COLGALT2: variants seen among roughly 807,000 people sequenced by gnomAD.
COLGALT2 encodes the protein collagen beta(1-O)galactosyltransferase 2, also known as procollagen galactosyltransferase 2.
A neutral mutation model predicts 73.4 loss-of-function variants in COLGALT2; 49 were observed. The observed-to-expected ratio is 0.67, with a 90% confidence interval of 0.53 to 0.85. The LOEUF is 0.85. Ranked by LOEUF, COLGALT2 falls within the 40% of genes least tolerant of loss-of-function variation. The probability of loss-of-function intolerance (pLI) is 0.00; values close to 1 mark genes in which losing one functional copy is unlikely to be tolerated. For missense variants in COLGALT2, 722 were observed against 790.2 expected, an observed-to-expected ratio of 0.91 and a Z score of 1.03; for synonymous variants, 295 against 307.6, an observed-to-expected ratio of 0.96 and a Z score of 0.43.
intron 1 of COLGALT2, among the ~76,000 whole-genome samples, chr1:183,996,810 C>T (rs1467539461): frequency 6.6e-6 from 1 of 152,200 alleles, no homozygotes; most frequent in Non-Finnish European, 1.5e-5. Flanking sequence ...AAAGTAAATA[C>T]TACATGGGTT....
chr1:183,966,876 T>G lies in COLGALT2; in HGVS notation c.832+2393A>C, dbSNP rs182804263. 1.6e-3 allele frequency among the ~76,000 whole-genome samples: 242 copies of G among 152,292 alleles called. 1 individual carries two copies. Among genetic ancestry groups the G allele is most frequent in the African/African-American group, 4.2e-3 (173 of 41,558 alleles). ...CCAGCACACTTGGATTGCTCCTCAC[T>G]CATCACCCACATGGGGCAATGGCTA... On this transcript the variant is annotated intron_variant, in intron 5 of 11. Transcript: ENST00000361927.
intron 1 of COLGALT2, among the ~76,000 whole-genome samples, chr1:184,013,870 C>T (rs1266451802): frequency 1.3e-5 from 2 of 151,994 alleles, no homozygotes; most frequent in Admixed American, 6.6e-5. Flanking sequence ...TAAGTAGGAA[C>T]AACTGACAAA....
rs1023090505 is a variant in COLGALT2 at position 183,938,357 on chromosome 1, T to G, written c.*404A>C. ...AACGGACAAACTAGACCAATAAGTG[T>G]GGTCTAGTTGGCCTGGCTGCCTTGA... On this transcript the variant is annotated 3_prime_UTR_variant, in exon 12 of 12. Coordinates refer to ENST00000361927, the MANE Select transcript of COLGALT2 (RefSeq NM_015101.4). 1 of 1,023,702 alleles carries G rather than the reference T, an allele frequency of 9.8e-7. No individual in the cohort carries two copies. Among genetic ancestry groups the G allele is most frequent in the Non-Finnish European group, 1.2e-6 (1 of 852,358 alleles). 63.4% of individuals were successfully genotyped at this position (1,023,702 alleles called of 1,614,324 possible).
At chr1:184,037,005 C>G in intron 1 of COLGALT2, 90 bp downstream of exon 1, 2 of 1,130,344 alleles carry the variant, frequency 1.8e-6, no homozygotes, top group Non-Finnish European at 1.1e-6. Context: ...GCGGCTCCCT[C>G]GCCCTGCAGC....
chr1:183,960,395 T>C (rs563298916), intron 6 of COLGALT2, among the ~76,000 whole-genome samples: 1 of 152,338 alleles, frequency 6.6e-6, no homozygotes, highest in South Asian at 2.1e-4. Flanking sequence ...GATTAGGACT[T>C]GAGGCTCTCC....
chr1:183,984,309 G>T (rs1347617501), intron 1 of COLGALT2, among the ~76,000 whole-genome samples: 1 of 152,242 alleles, frequency 6.6e-6, no homozygotes, highest in African/African-American at 2.4e-5. Context: ...GGAAGCTGAG[G>T]CAGGAAAATT....
At chr1:184,025,335 A>G (rs1444153831) in intron 1 of COLGALT2, among the ~76,000 whole-genome samples, 2 of 152,240 alleles carry the variant, frequency 1.3e-5, no homozygotes, top group Non-Finnish European at 2.9e-5. Flanking sequence ...ATCTGGAAAC[A>G]AAAGAAGCTA....
chr1:183,944,686 G>A (rs773284228), intron 9 of COLGALT2, among the ~76,000 whole-genome samples: 2 of 152,096 alleles, frequency 1.3e-5, no homozygotes, highest in Non-Finnish European at 2.9e-5. Context: ...GCAGTACGGG[G>A]TGGGGGGGTG....
rs1401340209 is a variant in COLGALT2, at chr1:183,963,949, G to A, written c.904C>T (p.Leu302=). The change falls in exon 6 of 12, where the codon CTG becomes TTG. Residue 302 remains leucine, a synonymous_variant. Transcript: ENST00000361927. Reference sequence around the variant, plus strand: ...ATGAGGTTCTCGATGTCTTCCTGCAGTGTCTGATGGGGCTTCAGGGGGATG... The same window carrying A: ...ATGAGGTTCTCGATGTCTTCCTGCAATGTCTGATGGGGCTTCAGGGGGATG... ...LPIPLKPHQT[L]QEDIENLIHV... 2 of 1,613,068 alleles carry A rather than the reference G, an allele frequency of 1.2e-6. No individual in the cohort carries two copies. Among genetic ancestry groups the A allele is most frequent in the Non-Finnish European group, 1.7e-6 (2 of 1,179,548 alleles).
At chr1:183,966,382 C>T (rs1408002919) in intron 5 of COLGALT2, among the ~76,000 whole-genome samples, 1 of 152,216 alleles carries the variant, frequency 6.6e-6, no homozygotes, top group East Asian at 1.9e-4. Context: ...CATATAGTAC[C>T]TTAACATTGC....
At chr1:183,929,937 C>G (rs2102779019) in exon 12 of COLGALT2, 1 of 260,328 alleles carries the variant, frequency 3.8e-6, no homozygotes, top group East Asian at 1.0e-4. Flanking sequence ...TAGCTTTTCT[C>G]TAACAGCAGC....
chr1:183,970,726 A>G (rs1364224232), intron 4 of COLGALT2, among the ~76,000 whole-genome samples: 1 of 152,214 alleles, frequency 6.6e-6, no homozygotes, highest in African/African-American at 2.4e-5. Flanking sequence ...TGCTCTGTCA[A>G]TCTCATAGAG....
At position 183,937,503 on chromosome 1, in the gene COLGALT2, TG is replaced by T; in HGVS notation, c.*1257del. ...CCGCCTGGGATTCTAAGAGCTTCCCTGGTTGCTGGCCTAAATCAGGTGACCA... is the reference window on the plus strand; with the variant it reads ...CCGCCTGGGATTCTAAGAGCTTCCCTGTTGCTGGCCTAAATCAGGTGACCA... On this transcript the variant is annotated 3_prime_UTR_variant, in exon 12 of 12. Coordinates refer to ENST00000361927, the MANE Select transcript of COLGALT2 (RefSeq NM_015101.4). The T allele has an allele frequency of 1.0e-6, 1 of 985,484 alleles. No homozygotes were observed. Among genetic ancestry groups the T allele is most frequent in the Non-Finnish European group, 1.2e-6 (1 of 829,974 alleles). 61.0% of individuals were successfully genotyped at this position (985,484 alleles called of 1,614,324 possible). A position where few individuals can be genotyped will look rare whatever the true frequency, so the allele number is the denominator to read the frequency against.
chr1:183,960,611 A>G (rs1670673212), intron 6 of COLGALT2, among the ~76,000 whole-genome samples: 1 of 152,256 alleles, frequency 6.6e-6, no homozygotes, highest in African/African-American at 2.4e-5. Flanking sequence ...CGCATACATT[A>G]CAGGCATTCT....
chr1:184,000,610 G>A (rs1671894008), intron 1 of COLGALT2, among the ~76,000 whole-genome samples: 1 of 143,798 alleles, frequency 7.0e-6, no homozygotes, highest in Admixed American at 7.0e-5. Flanking sequence ...ATCCACCCAC[G>A]TGTTTAACAT....
intron 1 of COLGALT2, among the ~76,000 whole-genome samples, chr1:184,006,350 C>A (rs867523779): frequency 1.6e-4 from 25 of 151,976 alleles, no homozygotes; most frequent in Admixed American, 2.6e-4. Flanking sequence ...TTTGGGAGGC[C>A]GAGGTGGGCG....
chr1:184,005,330 G>A (rs1390677086), intron 1 of COLGALT2, among the ~76,000 whole-genome samples: 2 of 152,170 alleles, frequency 1.3e-5, no homozygotes, highest in East Asian at 1.9e-4. Context: ...CCCTGACCCC[G>A]TCACTTCATG....
chr1:183,959,579 A>C (rs185091285), intron 6 of COLGALT2, among the ~76,000 whole-genome samples: 1 of 151,784 alleles, frequency 6.6e-6, no homozygotes, highest in Non-Finnish European at 1.5e-5. Context: ...TCTGTTTCTC[A>C]TCAACTCCTT....
At chr1:183,965,149 A>T (rs945992893) in intron 5 of COLGALT2, among the ~76,000 whole-genome samples, 1 of 152,176 alleles carries the variant, frequency 6.6e-6, no homozygotes, top group African/African-American at 2.4e-5. Context: ...TCTTGCCTTC[A>T]CCGAGCAAAC....
Sources: allele counts gnomAD v4.1 joint callset (sites outside exome capture counted in the v4.1 genomes callset), GRCh38; gene constraint gnomAD v4.1.1; transcripts MANE v1.5; gene names NCBI Gene and HGNC (gene_info 2026-07-23, HGNC 2026-07-21).